The following RLN2 variants were observed in gnomAD, a reference collection of about 807,000 sequenced individuals.
RLN2 encodes the protein prorelaxin H2.
In RLN2, 10 loss-of-function variants were observed where a neutral mutation model predicts 7.3. The ratio of observed to expected loss-of-function variants is 1.36; its 90% CI spans 0.84 to 2.31. RLN2 has a LOEUF of 2.31. RLN2 is among the 30% of genes most tolerant of loss of function. RLN2 has a pLI of 0.00. For missense variants in RLN2, 298 were observed against 217.6 expected (o/e 1.37, Z -2.32); for synonymous variants, 103 against 82.3 (o/e 1.25, Z -1.36).
chr9:5,319,248 G>A, the RLN2 span, among the ~76,000 whole-genome samples: 1 of 151,914 alleles, frequency 6.6e-6, no homozygotes. Flanking sequence ...TAATTCCTGG[G>A]AAGCAATACA....
At chr9:5,335,225 A>G in the RLN2 span, 1 of 1,422,648 alleles carries the variant, frequency 7.0e-7, no homozygotes, top group Non-Finnish European at 9.6e-7. Context: ...TGAAAATTAG[A>G]CAAGATGTGC....
At chr9:5,313,161 G>C in the RLN2 span, among the ~76,000 whole-genome samples, 4 of 151,884 alleles carry the variant, frequency 2.6e-5, no homozygotes, top group East Asian at 7.7e-4. Flanking sequence ...TTGTGTTGCT[G>C]AAAGTGAGAT....
At chr9:5,335,154 A>G in the RLN2 span, 2 of 656,018 alleles carry the variant, frequency 3.0e-6, no homozygotes, top group East Asian at 2.9e-5. Context: ...AAGATTTCTT[A>G]TATTCTAATA....
chr9:5,319,980 G>C, the RLN2 span, among the ~76,000 whole-genome samples: 1 of 140,986 alleles, frequency 7.1e-6, no homozygotes, highest in Non-Finnish European at 1.6e-5. Flanking sequence ...CATCCTCTAA[G>C]CTAACACTTT....
At chr9:5,327,606 C>G in the RLN2 span, among the ~76,000 whole-genome samples, 2 of 152,078 alleles carry the variant, frequency 1.3e-5, no homozygotes, top group African/African-American at 4.8e-5. Flanking sequence ...CCTCCTCAAG[C>G]AGGTCCCTGA....
At chr9:5,318,700 G>A in the RLN2 span, among the ~76,000 whole-genome samples, 5 of 151,734 alleles carry the variant, frequency 3.3e-5, no homozygotes, top group Admixed American at 1.3e-4. Context: ...CAACCTTTTG[G>A]ATTCAGAAAT....
intron 1 of RLN2, 22 bp from the exon 2 acceptor site, chr9:5,300,466 GT>G: frequency 6.6e-7 from 1 of 1,523,300 alleles, no homozygotes; most frequent in Non-Finnish European, 9.0e-7. Flanking sequence ...AAAAAAAAAG[GT>G]GTATGTGAGG....
At chr9:5,316,203 T>C in the RLN2 span, among the ~76,000 whole-genome samples, 1 of 152,052 alleles carries the variant, frequency 6.6e-6, no homozygotes, top group Non-Finnish European at 1.5e-5. Context: ...TTATTAAGTA[T>C]ATACTTATCA....
At chr9:5,326,192 A>T in the RLN2 span, among the ~76,000 whole-genome samples, 1 of 152,160 alleles carries the variant, frequency 6.6e-6, no homozygotes, top group Non-Finnish European at 1.5e-5. Context: ...TAAATTTTTT[A>T]AAATTGTTTA....
At chr9:5,331,997 T>C in the RLN2 span, among the ~76,000 whole-genome samples, 3 of 151,970 alleles carry the variant, frequency 2.0e-5, no homozygotes, top group African/African-American at 4.8e-5. Flanking sequence ...GGGTGTCCAT[T>C]GTAGTATTAT....
At chr9:5,319,545 A>G in the RLN2 span, among the ~76,000 whole-genome samples, 1 of 152,038 alleles carries the variant, frequency 6.6e-6, no homozygotes. Flanking sequence ...TCATGCACAA[A>G]TACATTAAGC....
chr9:5,325,360 T>C, the RLN2 span, among the ~76,000 whole-genome samples: 1 of 152,030 alleles, frequency 6.6e-6, no homozygotes, highest in Non-Finnish European at 1.5e-5. Flanking sequence ...AAAACTAGAT[T>C]ATGCTTTTCT....
the RLN2 span, among the ~76,000 whole-genome samples, chr9:5,332,749 G>T: frequency 6.6e-6 from 1 of 151,654 alleles, no homozygotes; most frequent in African/African-American, 2.4e-5. Flanking sequence ...CCGAGTAGCT[G>T]GGATTACAGG....
chr9:5,314,804 T>C, the RLN2 span, among the ~76,000 whole-genome samples: 1 of 151,984 alleles, frequency 6.6e-6, no homozygotes, highest in Non-Finnish European at 1.5e-5. Flanking sequence ...CTGGGATACT[T>C]CTATGTCCCA....
the RLN2 span, among the ~76,000 whole-genome samples, chr9:5,317,553 G>A: frequency 6.7e-6 from 1 of 150,092 alleles, no homozygotes; most frequent in East Asian, 2.0e-4. Flanking sequence ...TATAGGTAAA[G>A]CAGTTGGTAT....
At position 5,300,227 on chromosome 9, in the gene RLN2, G is replaced by A; in HGVS notation, c.429C>T (p.Ser143=). ...IRNRQSEAAD[S]SPSELKYLGL... The stretch of plus-strand genomic sequence containing the variant: ...CTAAGTATTTTAATTCTGAAGGACT[G>A]CTGTCTGCGGCTTCACTTTGTCTAT... Residue 143 remains serine, a synonymous_variant, in exon 2 of 2, where the codon AGC becomes AGT. Coordinates refer to ENST00000381627, the MANE Select transcript of RLN2 (RefSeq NM_134441.3). The A allele has an allele frequency of 1.2e-6, 2 of 1,613,824 alleles. No individual in the cohort carries two copies. Among genetic ancestry groups the A allele is most frequent in the Non-Finnish European group, 8.5e-7 (1 of 1,179,762 alleles).
chr9:5,325,572 A>G, the RLN2 span, among the ~76,000 whole-genome samples: 1 of 152,092 alleles, frequency 6.6e-6, no homozygotes, highest in Non-Finnish European at 1.5e-5. Context: ...TGACTACAAT[A>G]TACCAAATAA....
chr9:5,318,880 A>G, the RLN2 span, among the ~76,000 whole-genome samples: 1 of 151,912 alleles, frequency 6.6e-6, no homozygotes, highest in African/African-American at 2.4e-5. Flanking sequence ...AAGAGAATAG[A>G]TTTCCGTTTT....
chr9:5,302,291 T>C (rs1448031263), intron 1 of RLN2, among the ~76,000 whole-genome samples: 1 of 152,212 alleles, frequency 6.6e-6, no homozygotes, highest in African/African-American at 2.4e-5. Context: ...TCACTTATTA[T>C]TTTGGATGTA....
Sources: gnomAD v4.1 joint callset for allele counts (sites outside exome capture counted in the v4.1 genomes callset) on GRCh38, gnomAD v4.1.1 for gene constraint, MANE v1.5 for transcripts, NCBI Gene and HGNC (gene_info 2026-07-23, HGNC 2026-07-21) for gene names.